The following USP10 variants were observed in gnomAD, a reference collection of about 807,000 sequenced individuals.
USP10 encodes the protein ubiquitin carboxyl-terminal hydrolase 10.
Under a neutral mutation model 84.5 loss-of-function variants are expected in USP10, and 22 were observed. The ratio of observed to expected loss-of-function variants is 0.26; its 90% CI spans 0.19 to 0.37. The LOEUF (loss-of-function observed/expected upper bound fraction) is 0.37, where lower values mean the gene tolerates loss of function less well. USP10 is among the 10% of genes least tolerant of loss of function. The probability of loss-of-function intolerance (pLI) is 1.00; values close to 1 mark genes in which losing one functional copy is unlikely to be tolerated. For missense variants in USP10, 1,019 were observed against 998.9 expected, an observed-to-expected ratio of 1.02 and a Z score of -0.27; for synonymous variants, 454 against 387.6, an observed-to-expected ratio of 1.17 and a Z score of -2.01.
intron 2 of USP10, among the ~76,000 whole-genome samples, chr16:84,734,935 T>C (rs1425585439): frequency 6.6e-6 from 1 of 152,242 alleles, no homozygotes; most frequent in Non-Finnish European, 1.5e-5. Context: ...GGGCAGTGCA[T>C]CTCCCCTGGT....
chr16:84,748,261 G>T lies in USP10; in HGVS notation c.1192+2588G>T, dbSNP rs764709457. ...AATGAGAAATGCATGGTGGGGTCCT[G>T]TTAAAAATGTGCATTCTAAGTTCGA... On this transcript the variant is annotated intron_variant, in intron 4 of 13. Transcript: ENST00000219473. Among the ~76,000 whole-genome samples, 18 of 151,456 alleles carry T rather than the reference G, an allele frequency of 1.2e-4. No individual in the cohort carries two copies. The South Asian group carries it at 2.5e-3, about 21-fold the overall frequency.
intron 10 of USP10, among the ~76,000 whole-genome samples, chr16:84,764,594 G>A (rs1913610575): frequency 6.6e-6 from 1 of 152,176 alleles, no homozygotes. Context: ...ACTTTGGGAG[G>A]CCAAGGCGGG....
chr16:84,729,357 C>G (rs550541568), intron 1 of USP10, among the ~76,000 whole-genome samples: 86 of 152,140 alleles, frequency 5.7e-4, no homozygotes, highest in Non-Finnish European at 9.7e-4. Flanking sequence ...TAGGATTCCC[C>G]TAGCTTGTGA....
chr16:84,778,716 A>C (rs931758674), intron 13 of USP10, among the ~76,000 whole-genome samples, 179 bp from the exon 14 acceptor site: 12 of 152,152 alleles, frequency 7.9e-5, no homozygotes. Flanking sequence ...TTTATTATGG[A>C]TTGCTTGCGT....
At chr16:84,761,641 G>A (rs536455403) in intron 8 of USP10, among the ~76,000 whole-genome samples, 1 of 152,368 alleles carries the variant, frequency 6.6e-6, no homozygotes, top group African/African-American at 2.4e-5. Context: ...TTTTTACTGA[G>A]GGCTGGTCCC....
At chr16:84,704,312 G>C (rs1312619106) in intron 1 of USP10, among the ~76,000 whole-genome samples, 1 of 152,214 alleles carries the variant, frequency 6.6e-6, no homozygotes, top group Non-Finnish European at 1.5e-5. Flanking sequence ...AGTGGGAAGA[G>C]CTTGCTTTTG....
intron 1 of USP10, among the ~76,000 whole-genome samples, chr16:84,724,969 C>T (rs1220963265): frequency 1.3e-5 from 2 of 152,062 alleles, no homozygotes; most frequent in African/African-American, 4.8e-5. Context: ...ATTCATAAAG[C>T]CTAGTAAAGA....
chr16:84,748,178 G>T (rs1031415597), intron 4 of USP10, among the ~76,000 whole-genome samples: 3 of 122,540 alleles, frequency 2.4e-5, no homozygotes, highest in Non-Finnish European at 5.3e-5. Flanking sequence ...AAAAAAAAAA[G>T]ATAGATTGTG....
chr16:84,722,714 C>T (rs985689765), intron 1 of USP10, among the ~76,000 whole-genome samples: 1 of 152,108 alleles, frequency 6.6e-6, no homozygotes, highest in Non-Finnish European at 1.5e-5. Flanking sequence ...CAGACTCCCC[C>T]ACGCCCAGCT....
chr16:84,760,053 C>G, intron 7 of USP10, 107 bp downstream of exon 7: 2 of 1,516,426 alleles, frequency 1.3e-6, no homozygotes, highest in East Asian at 2.3e-5. Flanking sequence ...TGTCTTTACA[C>G]CTATGCCATT....
At chr16:84,720,551 A>G (rs936124626) in intron 1 of USP10, among the ~76,000 whole-genome samples, 2 of 146,874 alleles carry the variant, frequency 1.4e-5, no homozygotes, top group South Asian at 2.2e-4. Context: ...TTGAAAACAG[A>G]TGCAGAATAA....
chr16:84,733,943 T>C (rs930859598), intron 2 of USP10, among the ~76,000 whole-genome samples: 7 of 152,274 alleles, frequency 4.6e-5, no homozygotes, highest in African/African-American at 1.7e-4. Flanking sequence ...TTGTATTCTT[T>C]ATGCTAAGAA....
rs768043331 is a variant in USP10, at chr16:84,744,782, C to G, written c.301C>G (p.Pro101Ala). ...CGGTTGTACAGCTTCCAAAATAACC[C>G]CTGATGGTATCACTAAAGAAGCAAG... ...ILGCTASKITPDGITKEASYG... is the reference protein window; with the variant it reads ...ILGCTASKITADGITKEASYG... Residue 101 changes from proline (P) to alanine (A), a missense_variant, in exon 4 of 14, where the codon CCT becomes GCT. This residue lies in a region of USP10 where 787 missense variants were observed against 708.8 expected (regional missense o/e 1.11). Coordinates refer to ENST00000219473, the MANE Select transcript of USP10 (RefSeq NM_005153.3). The G allele has an allele frequency of 3.1e-6, 5 of 1,613,590 alleles. No homozygotes were observed. The African/African-American group carries it at 5.3e-5, about 17-fold the overall frequency.
chr16:84,733,947 CTAAGA>C (rs1336072955), intron 2 of USP10, among the ~76,000 whole-genome samples: 2 of 152,192 alleles, frequency 1.3e-5, no homozygotes, highest in African/African-American at 4.8e-5. Context: ...ATTCTTTATG[CTAAGA>C]AATTTGTCCT....
At position 84,779,160 on chromosome 16, in the gene USP10, G is replaced by C; in HGVS notation, c.*78G>C. On this transcript the variant is annotated 3_prime_UTR_variant, in exon 14 of 14. Coordinates refer to ENST00000219473, the MANE Select transcript of USP10 (RefSeq NM_005153.3). ...CACACTCACTTCCCGCCTCTCTTTAGTGGCTCTTTAGAGAGAAACTCTTTC... is the reference window on the plus strand; with the variant it reads ...CACACTCACTTCCCGCCTCTCTTTACTGGCTCTTTAGAGAGAAACTCTTTC... The C allele has an allele frequency of 6.6e-7, 1 of 1,516,202 alleles. No homozygotes were observed. The highest frequency in any genetic ancestry group is 1.3e-5 in the South Asian group (1 of 78,310). 93.9% of individuals were successfully genotyped at this position (1,516,202 alleles called of 1,614,324 possible). A position where few individuals can be genotyped will look rare whatever the true frequency, so the allele number is the denominator to read the frequency against.
At chr16:84,734,036 G>A (rs202218800) in intron 2 of USP10, among the ~76,000 whole-genome samples, 2 of 152,088 alleles carry the variant, frequency 1.3e-5, no homozygotes, top group Non-Finnish European at 2.9e-5. Flanking sequence ...TCCTGTCGAG[G>A]GCCATTTAGG....
chr16:84,749,097 T>C (rs1195659808), intron 4 of USP10, among the ~76,000 whole-genome samples: 1 of 152,218 alleles, frequency 6.6e-6, no homozygotes, highest in Non-Finnish European at 1.5e-5. Context: ...AGTAGAGCAA[T>C]AGAGTCACAT....
intron 1 of USP10, among the ~76,000 whole-genome samples, chr16:84,722,954 A>C (rs1215856971): frequency 2.6e-5 from 4 of 152,170 alleles, no homozygotes; most frequent in African/African-American, 9.7e-5. Context: ...ACTGAGTACA[A>C]ATAGGTGGTT....
intron 1 of USP10, among the ~76,000 whole-genome samples, chr16:84,719,146 A>C (rs965261124): frequency 6.6e-6 from 1 of 152,200 alleles, no homozygotes; most frequent in Non-Finnish European, 1.5e-5. Context: ...GTTAATGATC[A>C]GTAAACCCTT....
Sources: allele counts gnomAD v4.1 joint callset (sites outside exome capture counted in the v4.1 genomes callset), GRCh38; gene constraint gnomAD v4.1.1; regional missense constraint gnomAD v4.1.1; transcripts MANE v1.5; gene names NCBI Gene and HGNC (gene_info 2026-07-23, HGNC 2026-07-21).